VTI1A: variants seen among roughly 807,000 people sequenced by gnomAD.
The protein encoded by VTI1A is vesicle transport through interaction with t-SNAREs homolog 1A.
A neutral mutation model predicts 34.9 loss-of-function variants in VTI1A; 22 were observed. The ratio of observed to expected loss-of-function variants is 0.63; its 90% CI spans 0.45 to 0.90. VTI1A has a LOEUF of 0.90. Ranked by LOEUF, VTI1A falls within the 40% of genes least tolerant of loss-of-function variation. The probability of loss-of-function intolerance (pLI) is 0.00; values close to 1 mark genes in which losing one functional copy is unlikely to be tolerated. For synonymous variants in VTI1A, 87 were observed against 97.3 expected (o/e 0.89, Z 0.62); for missense variants, 268 against 275.6 (o/e 0.97, Z 0.20).
intron 5 of VTI1A, among the ~76,000 whole-genome samples, chr10:112,634,918 A>G (rs1177792200): frequency 6.6e-6 from 1 of 152,176 alleles, no homozygotes; most frequent in African/African-American, 2.4e-5. Flanking sequence ...ATGCATAATA[A>G]ATAAACTCTG....
chr10:112,607,105 G>A (rs1845114452), intron 5 of VTI1A, among the ~76,000 whole-genome samples: 1 of 152,036 alleles, frequency 6.6e-6, no homozygotes, highest in African/African-American at 2.4e-5. Context: ...TGGCCAACAT[G>A]GTGAAACCCT....
intron 3 of VTI1A, among the ~76,000 whole-genome samples, chr10:112,479,319 A>G (rs998968578): frequency 1.4e-4 from 21 of 150,880 alleles, no homozygotes; most frequent in African/African-American, 5.0e-4. Context: ...GGAAGGACTT[A>G]GACACTACCT....
intron 3 of VTI1A, among the ~76,000 whole-genome samples, chr10:112,521,435 C>T (rs1850026113): frequency 1.3e-5 from 2 of 152,036 alleles, no homozygotes; most frequent in Admixed American, 6.6e-5. Context: ...AGTTTTATTG[C>T]ATCCTTTCCA....
chr10:112,804,673 T>C (rs1203178724), intron 7 of VTI1A, among the ~76,000 whole-genome samples: 2 of 152,054 alleles, frequency 1.3e-5, no homozygotes, highest in East Asian at 3.9e-4. Flanking sequence ...GTGAGGCTTC[T>C]GTCATTCATT....
chr10:112,472,525 C>T (rs1197491762), intron 3 of VTI1A, among the ~76,000 whole-genome samples: 2 of 151,346 alleles, frequency 1.3e-5, no homozygotes, highest in African/African-American at 4.9e-5. Flanking sequence ...AAAGCCAGTA[C>T]CCATATTCTT....
intron 5 of VTI1A, among the ~76,000 whole-genome samples, chr10:112,572,715 G>A (rs1017363439): frequency 2.0e-5 from 3 of 151,042 alleles, no homozygotes; most frequent in African/African-American, 7.4e-5. Flanking sequence ...GCGGGCGCCT[G>A]TAGTCCCAGC....
At chr10:112,646,543 A>G (rs1296871550) in intron 5 of VTI1A, among the ~76,000 whole-genome samples, 1 of 150,012 alleles carries the variant, frequency 6.7e-6, no homozygotes, top group Non-Finnish European at 1.5e-5. Flanking sequence ...TTTTTTTAAG[A>G]TGGGAGTTTT....
chr10:112,612,260 C>T (rs1392480055), intron 5 of VTI1A, among the ~76,000 whole-genome samples: 2 of 152,020 alleles, frequency 1.3e-5, no homozygotes, highest in African/African-American at 4.8e-5. Flanking sequence ...GAAAGGAAAA[C>T]ACGGTTTTAA....
chr10:112,505,809 G>A (rs897325306), intron 3 of VTI1A, among the ~76,000 whole-genome samples: 7 of 151,938 alleles, frequency 4.6e-5, no homozygotes, highest in African/African-American at 1.7e-4. Context: ...GAGTAGCTGG[G>A]ACTACAGGTG....
rs1332513972 is a variant in VTI1A, at chr10:112,466,831, A to G, written c.264+2174A>G. On this transcript the variant is annotated intron_variant, in intron 3 of 7. Transcript: ENST00000393077. ...GAAATTTGTTTTCTCACAATTCTGG[A>G]AACTGAAGTTGGAGTTCAAGGTGTT... Among the ~76,000 whole-genome samples, 5 of 70,770 alleles carry G rather than the reference A, an allele frequency of 7.1e-5. No individual in the cohort carries two copies. In the East Asian group the frequency reaches 1.0e-3, roughly 14 times the overall value. 46.4% of individuals were successfully genotyped at this position (70,770 alleles called of 152,430 possible).
At chr10:112,458,644 A>T (rs566145542) in intron 1 of VTI1A, among the ~76,000 whole-genome samples, 11 of 148,942 alleles carry the variant, frequency 7.4e-5, no homozygotes, top group Non-Finnish European at 1.3e-4. Context: ...AATTATATAT[A>T]TATTTTTATT....
At chr10:112,659,460 G>C (rs931045987) in intron 5 of VTI1A, among the ~76,000 whole-genome samples, 1 of 152,138 alleles carries the variant, frequency 6.6e-6, no homozygotes. Context: ...CCAGAGCATC[G>C]TTACTGGTAG....
At chr10:112,486,455 A>G (rs1187375089) in intron 3 of VTI1A, among the ~76,000 whole-genome samples, 6 of 152,114 alleles carry the variant, frequency 3.9e-5, no homozygotes, top group Admixed American at 2.0e-4. Context: ...ACACATTTGG[A>G]AATCCTTATT....
At chr10:112,844,906 A>T in the VTI1A span, among the ~76,000 whole-genome samples, 2 of 152,166 alleles carry the variant, frequency 1.3e-5, no homozygotes, top group Non-Finnish European at 2.9e-5. Flanking sequence ...AAAAGGCAGG[A>T]GGAACCATTC....
chr10:112,732,799 C>T (rs1250526269), intron 7 of VTI1A, among the ~76,000 whole-genome samples: 1 of 152,202 alleles, frequency 6.6e-6, no homozygotes, highest in Admixed American at 6.5e-5. Context: ...GTTTTTCTTA[C>T]TGTTTCCTGA....
At chr10:112,749,915 A>G (rs12412082) in intron 7 of VTI1A, among the ~76,000 whole-genome samples, 9,319 of 152,310 alleles carry the variant, frequency 0.061, 348 homozygotes, top group Middle Eastern at 0.085. Context: ...TAAGTGAACC[A>G]TGCACACATA....
At chr10:112,750,824 C>T (rs1345010507) in intron 7 of VTI1A, among the ~76,000 whole-genome samples, 1 of 152,162 alleles carries the variant, frequency 6.6e-6, no homozygotes, top group African/African-American at 2.4e-5. Flanking sequence ...TTATCAGGAT[C>T]TCTGTAATTA....
Position 112,817,503 on chromosome 10 carries a change from G to C in VTI1A, c.*2120G>C, listed in dbSNP as rs1853559003. On this transcript the variant is annotated 3_prime_UTR_variant, in exon 8 of 8. Transcript: ENST00000393077. ...TGTGATTTTACCCCAATTCAACCTT[G>C]GGAGTGGGAAGAATATGAACAGATA... The C allele has an allele frequency of 4.3e-6, 1 of 229,950 alleles. No individual in the cohort carries two copies. The highest frequency in any genetic ancestry group is 2.2e-5 in the African/African-American group (1 of 45,256). The allele number at this position is 229,950 out of a possible 1,614,324, so 14.2% of individuals were successfully genotyped here.
At chr10:112,487,789 A>G (rs1269916500) in intron 3 of VTI1A, among the ~76,000 whole-genome samples, 1 of 152,204 alleles carries the variant, frequency 6.6e-6, no homozygotes, top group African/African-American at 2.4e-5. Context: ...TTTACCTGAA[A>G]GGAAGAAAAC....
Sources: allele counts gnomAD v4.1 joint callset (sites outside exome capture counted in the v4.1 genomes callset), GRCh38; gene constraint gnomAD v4.1.1; transcripts MANE v1.5; gene names NCBI Gene and HGNC (gene_info 2026-07-23, HGNC 2026-07-21).